Variants in TMEM123 observed in about 807,000 individuals in gnomAD.
The protein encoded by TMEM123 is transmembrane protein 123.
In TMEM123, 16 loss-of-function variants were observed where a neutral mutation model predicts 19.7. The observed-to-expected ratio is 0.81, with a 90% CI of 0.55 to 1.23. The LOEUF is 1.23. Ranked by LOEUF, TMEM123 falls within the 50% of genes most tolerant of loss-of-function variation. The pLI is 0.00. For synonymous variants in TMEM123, 118 were observed against 99.4 expected, an observed-to-expected ratio of 1.19 and a Z score of -1.12; for missense variants, 313 against 257.8, an observed-to-expected ratio of 1.21 and a Z score of -1.47.
intron 2 of TMEM123, among the ~76,000 whole-genome samples, chr11:102,411,334 A>G (rs1039838694): frequency 6.6e-6 from 1 of 152,130 alleles, no homozygotes; most frequent in Non-Finnish European, 1.5e-5. Flanking sequence ...AGCTCTGCGC[A>G]CCATTCCTCC....
intron 2 of TMEM123, among the ~76,000 whole-genome samples, chr11:102,446,246 A>C (rs1344047424): frequency 6.6e-6 from 1 of 152,224 alleles, no homozygotes; most frequent in East Asian, 1.9e-4. Flanking sequence ...CATCCACAGA[A>C]TCTAAATACT....
chr11:102,417,875 A>G lies in TMEM123; in HGVS notation c.158-15669T>C, dbSNP rs531668361. Reference sequence around the variant, plus strand: ...CATCTGATCTTTGATAAAGTTTAAAAAAAAAAAGTGCAATGGGGAAGGGAC... The same window carrying G: ...CATCTGATCTTTGATAAAGTTTAAAGAAAAAAAGTGCAATGGGGAAGGGAC... On this transcript the variant is annotated intron_variant, in intron 2 of 4. Coordinates refer to ENST00000398136, the MANE Select transcript of TMEM123 (RefSeq NM_052932.3). Among the ~76,000 whole-genome samples the G allele has an allele frequency of 7.2e-5, 11 of 152,282 alleles. No individual in the cohort carries two copies. The South Asian group carries it at 1.9e-3, about 26-fold the overall frequency.
intron 2 of TMEM123, among the ~76,000 whole-genome samples, chr11:102,408,700 G>C (rs1951977095): frequency 6.6e-6 from 1 of 152,206 alleles, no homozygotes; most frequent in South Asian, 2.1e-4. Flanking sequence ...CCTATGGGAG[G>C]CTGAGGAGTA....
At chr11:102,414,799 A>G (rs1197326123) in intron 2 of TMEM123, among the ~76,000 whole-genome samples, 1 of 152,200 alleles carries the variant, frequency 6.6e-6, no homozygotes, top group Non-Finnish European at 1.5e-5. Flanking sequence ...CCAAGTTTAC[A>G]TAGAAACCAG....
intron 2 of TMEM123, among the ~76,000 whole-genome samples, chr11:102,438,096 C>G (rs896739051): frequency 3.9e-5 from 6 of 152,180 alleles, no homozygotes; most frequent in Non-Finnish European, 8.8e-5. Context: ...CTCTGTCACC[C>G]AGGCTGGAGT....
At chr11:102,449,162 C>A in intron 1 of TMEM123, 1 of 315,354 alleles carries the variant, frequency 3.2e-6, no homozygotes, top group Admixed American at 4.1e-5. Flanking sequence ...TTCATTTACC[C>A]ACACAATTGG....
chr11:102,409,973 A>T (rs1440605682), intron 2 of TMEM123, among the ~76,000 whole-genome samples: 1 of 152,200 alleles, frequency 6.6e-6, no homozygotes, highest in Non-Finnish European at 1.5e-5. Context: ...CATTTTCTGA[A>T]AATGTTTTAT....
intron 2 of TMEM123, among the ~76,000 whole-genome samples, chr11:102,426,012 A>C (rs1279738152): frequency 6.6e-6 from 1 of 152,166 alleles, no homozygotes; most frequent in Non-Finnish European, 1.5e-5. Context: ...ATTAAATTTT[A>C]AGCACCTCAT....
Position 102,452,645 on chromosome 11 carries a change from C to A in TMEM123, c.-22G>T. The A allele has an allele frequency of 6.8e-7, 1 of 1,480,538 alleles. No homozygotes were observed. Among genetic ancestry groups the A allele is most frequent in the Non-Finnish European group, 9.0e-7 (1 of 1,111,790 alleles). The allele number at this position is 1,480,538 out of a possible 1,614,324, so 91.7% of individuals were successfully genotyped here. On this transcript the variant is annotated 5_prime_UTR_variant, in exon 1 of 5. Coordinates refer to ENST00000398136, the MANE Select transcript of TMEM123 (RefSeq NM_052932.3). ...CCATTGTTCCGAGGGCAGGATGCGG[C>A]AGCCTCGTGGGCTCCCAGCCGAGGT...
At chr11:102,400,714 G>A (rs145696856) in intron 4 of TMEM123, among the ~76,000 whole-genome samples, 7 of 152,184 alleles carry the variant, frequency 4.6e-5, no homozygotes, top group Non-Finnish European at 1.0e-4. Context: ...TACAATTAGA[G>A]GTCAGAGAAC....
chr11:102,448,128 C>G (rs1857902681), intron 2 of TMEM123: 1 of 417,350 alleles, frequency 2.4e-6, no homozygotes, highest in African/African-American at 2.1e-5. Flanking sequence ...GTAAACAAAA[C>G]AAGTTAGTGA....
chr11:102,441,840 C>T (rs1857829665), intron 2 of TMEM123, among the ~76,000 whole-genome samples: 1 of 151,630 alleles, frequency 6.6e-6, no homozygotes. Flanking sequence ...AAGAATCAAA[C>T]AGACGCAATA....
At chr11:102,438,943 C>G (rs1459524120) in intron 2 of TMEM123, among the ~76,000 whole-genome samples, 1 of 152,248 alleles carries the variant, frequency 6.6e-6, no homozygotes, top group Admixed American at 6.5e-5. Flanking sequence ...AGACTGTATC[C>G]TGCACGTGGC....
chr11:102,439,783 G>A (rs1032587584), intron 2 of TMEM123, among the ~76,000 whole-genome samples: 3 of 152,156 alleles, frequency 2.0e-5, no homozygotes, highest in Non-Finnish European at 2.9e-5. Context: ...CAAACCCATC[G>A]CAAAGAAGCT....
At chr11:102,410,270 T>C (rs1951993075) in intron 2 of TMEM123, among the ~76,000 whole-genome samples, 1 of 151,960 alleles carries the variant, frequency 6.6e-6, no homozygotes, top group African/African-American at 2.4e-5. Flanking sequence ...TTCAGGTCTG[T>C]GTAAGGAAAC....
At chr11:102,407,886 CA>C (rs1951969665) in intron 2 of TMEM123, among the ~76,000 whole-genome samples, 2 of 152,188 alleles carry the variant, frequency 1.3e-5, no homozygotes, top group Admixed American at 6.5e-5. Flanking sequence ...TTTGTTTCTG[CA>C]GCCCAAGCAA....
intron 2 of TMEM123, among the ~76,000 whole-genome samples, chr11:102,410,145 T>C (rs1338598598): frequency 6.6e-6 from 1 of 152,176 alleles, no homozygotes; most frequent in Non-Finnish European, 1.5e-5. Context: ...TCCACTAATA[T>C]CTATGAACAT....
chr11:102,400,511 T>C (rs900821871), intron 4 of TMEM123, among the ~76,000 whole-genome samples: 1 of 152,212 alleles, frequency 6.6e-6, no homozygotes, highest in Admixed American at 6.5e-5. Flanking sequence ...AGGGCAAATT[T>C]TGGAAAACAG....
At chr11:102,450,937 C>A (rs948895) in intron 1 of TMEM123, among the ~76,000 whole-genome samples, 147 of 152,314 alleles carry the variant, frequency 9.7e-4, no homozygotes, top group Middle Eastern at 3.4e-3. Context: ...TTAACAGTTA[C>A]TAGCTTTTTT....
Sources: gnomAD v4.1 joint callset for allele counts (sites outside exome capture counted in the v4.1 genomes callset) on GRCh38, gnomAD v4.1.1 for gene constraint, MANE v1.5 for transcripts, NCBI Gene and HGNC (gene_info 2026-07-23, HGNC 2026-07-21) for gene names.